Variants in CPT1A observed in about 807,000 individuals in gnomAD.
CPT1A encodes carnitine O-palmitoyltransferase 1, liver isoform.
A neutral mutation model predicts 100.8 loss-of-function variants in CPT1A; 64 were observed. The observed-to-expected ratio is 0.63, with a 90% CI of 0.52 to 0.78. CPT1A has a LOEUF of 0.78. CPT1A is among the 30% of genes least tolerant of loss of function. The pLI is 0.00. For synonymous variants in CPT1A, 363 were observed against 396.0 expected (o/e 0.92, Z 0.99); for missense variants, 802 against 1,034.1 (o/e 0.78, Z 3.08).
intron 1 of CPT1A, among the ~76,000 whole-genome samples, chr11:68,815,741 C>A (rs1368457072): frequency 6.6e-6 from 1 of 151,934 alleles, no homozygotes. Context: ...GTACCCCAAC[C>A]CTGGCCCTGG....
At chr11:68,760,605 T>G (rs148216817) in intron 16 of CPT1A, among the ~76,000 whole-genome samples, 2 of 152,062 alleles carry the variant, frequency 1.3e-5, no homozygotes, top group African/African-American at 4.8e-5. Flanking sequence ...GTAACAGATA[T>G]ATGGAGTAAG....
In CPT1A at chr11:68,757,277, AG is replaced by A; in HGVS notation, c.*366del. The A allele has an allele frequency of 8.7e-7, 1 of 1,152,274 alleles. No homozygotes were observed. Among genetic ancestry groups the A allele is most frequent in the Non-Finnish European group, 1.1e-6 (1 of 927,922 alleles). The allele number at this position is 1,152,274 out of a possible 1,614,324, so 71.4% of individuals were successfully genotyped here. A position where few individuals can be genotyped will look rare whatever the true frequency, so the allele number is the denominator to read the frequency against. On this transcript the variant is annotated 3_prime_UTR_variant, in exon 19 of 19. Coordinates refer to ENST00000265641, the MANE Select transcript of CPT1A (RefSeq NM_001876.4). ...ATGATGCTAAATGCCCTTAAGCACTAGGCCTTCGGTTGCCACTGAGAAAGCA... is the reference window on the plus strand; with the variant it reads ...ATGATGCTAAATGCCCTTAAGCACTAGCCTTCGGTTGCCACTGAGAAAGCA...
At chr11:68,781,546 G>C (rs1467406692) in intron 11 of CPT1A, among the ~76,000 whole-genome samples, 2 of 152,180 alleles carry the variant, frequency 1.3e-5, no homozygotes, top group Admixed American at 1.3e-4. Flanking sequence ...CTTGAACCTG[G>C]GAGGTGGAGG....
At position 68,777,978 on chromosome 11, in the gene CPT1A, G is replaced by A. The variant is rs953446492; in HGVS notation, c.1459-2546C>T. 5.3e-5 allele frequency among the ~76,000 whole-genome samples: 8 copies of A among 152,152 alleles called. 1 individual carries two copies. The highest frequency in any genetic ancestry group is 1.3e-4 in the Admixed American group (2 of 15,264). ...GGCTCTCTCAGCTTTTGTCGACATCGCCAAAGAACCCTGGTGGTGGTGAAA... is the reference window on the plus strand; with the variant it reads ...GGCTCTCTCAGCTTTTGTCGACATCACCAAAGAACCCTGGTGGTGGTGAAA... On this transcript the variant is annotated intron_variant, in intron 12 of 18. Transcript: ENST00000265641.
intron 9 of CPT1A, chr11:68,785,900 G>T (rs1855450608): frequency 1.6e-6 from 1 of 616,700 alleles, no homozygotes; most frequent in South Asian, 1.8e-5. Context: ...TACTAAAACA[G>T]AGTAATTTAA....
intron 16 of CPT1A, among the ~76,000 whole-genome samples, chr11:68,760,676 T>G (rs535120624): frequency 6.6e-6 from 1 of 152,314 alleles, no homozygotes; most frequent in African/African-American, 2.4e-5. Flanking sequence ...GCTGCCATAT[T>G]TTCAGAGAAT....
At chr11:68,787,722 G>A (rs1265735547) in intron 9 of CPT1A, among the ~76,000 whole-genome samples, 2 of 151,738 alleles carry the variant, frequency 1.3e-5, no homozygotes, top group African/African-American at 2.4e-5. Flanking sequence ...TGGGCAGATC[G>A]CCTGAGGTCA....
intron 10 of CPT1A, among the ~76,000 whole-genome samples, chr11:68,783,768 A>T (rs985891975): frequency 6.6e-6 from 1 of 152,174 alleles, no homozygotes; most frequent in Non-Finnish European, 1.5e-5. Context: ...AGTGCCCCCC[A>T]CAAAGAGGTA....
intron 2 of CPT1A, among the ~76,000 whole-genome samples, chr11:68,813,462 C>A (rs982142803): frequency 7.3e-6 from 1 of 137,730 alleles, no homozygotes; most frequent in Admixed American, 8.3e-5. Context: ...GCCCAGGAGG[C>A]GGAGGTTGCA....
intron 1 of CPT1A, among the ~76,000 whole-genome samples, chr11:68,831,740 T>C (rs868504953): frequency 1.3e-5 from 2 of 151,946 alleles, no homozygotes; most frequent in African/African-American, 4.8e-5. Context: ...TTCAAGTGAT[T>C]CTCCTGCCTC....
At chr11:68,758,550 ACG>A (rs1455029261) in intron 18 of CPT1A, among the ~76,000 whole-genome samples, 4 of 151,988 alleles carry the variant, frequency 2.6e-5, no homozygotes, top group Non-Finnish European at 5.9e-5. Context: ...CAGCACTCCA[ACG>A]TTAAGCTTCA....
At chr11:68,764,937 G>A (rs1854749961) in intron 14 of CPT1A, among the ~76,000 whole-genome samples, 1 of 152,196 alleles carries the variant, frequency 6.6e-6, no homozygotes, top group African/African-American at 2.4e-5. Flanking sequence ...GCCGCCTTGG[G>A]GAGCTCTCTT....
At chr11:68,836,010 G>C (rs771674756) in intron 1 of CPT1A, among the ~76,000 whole-genome samples, 11 of 152,122 alleles carry the variant, frequency 7.2e-5, no homozygotes, top group South Asian at 4.1e-4. Flanking sequence ...AAACCCTCTA[G>C]GAATGTGGAT....
chr11:68,761,053 A>G (rs748687339), intron 16 of CPT1A, among the ~76,000 whole-genome samples: 62 of 151,142 alleles, frequency 4.1e-4, no homozygotes, highest in Non-Finnish European at 8.0e-4. Context: ...TAAATAAATA[A>G]AACTTAAATT....
At chr11:68,773,686 G>T in intron 13 of CPT1A, 1 of 472,318 alleles carries the variant, frequency 2.1e-6, no homozygotes, top group South Asian at 2.1e-5. Context: ...ACACACACTG[G>T]GAATATCACG....
chr11:68,811,954 G>C (rs560238811), intron 3 of CPT1A, among the ~76,000 whole-genome samples: 1 of 152,132 alleles, frequency 6.6e-6, no homozygotes. Context: ...GGGACGGGGG[G>C]GTCCCTGGAG....
rs551099974 is a variant in CPT1A, at chr11:68,785,076, C to T, written c.968-66G>A. ...CAAGTTCAGCACGTGCTGAGACGAC[C>T]GTACCCTGACTCTGCAAAGGGCATG... On this transcript the variant is annotated intron_variant, in intron 9 of 18. Coordinates refer to ENST00000265641, the MANE Select transcript of CPT1A (RefSeq NM_001876.4). 144 of 1,410,730 alleles carry T rather than the reference C, an allele frequency of 1.0e-4. 4 individuals carry two copies. The highest frequency in any genetic ancestry group is 8.2e-4 in the South Asian group (70 of 84,968). 87.4% of individuals were successfully genotyped at this position (1,410,730 alleles called of 1,614,324 possible).
chr11:68,798,024 C>A (rs1446095071), intron 6 of CPT1A, among the ~76,000 whole-genome samples: 1 of 152,136 alleles, frequency 6.6e-6, no homozygotes, highest in African/African-American at 2.4e-5. Flanking sequence ...CAATGTTATG[C>A]AAAATTGCTC....
chr11:68,821,344 G>C (rs1031817132), intron 1 of CPT1A, among the ~76,000 whole-genome samples: 2 of 152,180 alleles, frequency 1.3e-5, no homozygotes, highest in African/African-American at 4.8e-5. Flanking sequence ...GTAGAGACAG[G>C]GTTTCAGTAC....
Sources: gnomAD v4.1 joint callset for allele counts (sites outside exome capture counted in the v4.1 genomes callset) on GRCh38, gnomAD v4.1.1 for gene constraint, MANE v1.5 for transcripts, NCBI Gene and HGNC (gene_info 2026-07-23, HGNC 2026-07-21) for gene names.